The following CNTLN variants were observed in gnomAD, a reference collection of about 807,000 sequenced individuals.
The protein encoded by CNTLN is centlein, centrosomal protein.
A neutral mutation model predicts 180.0 loss-of-function variants in CNTLN; 212 were observed. That is an observed-to-expected ratio of 1.18 (90% CI 1.05 to 1.32). The LOEUF is 1.32. Among genes scored for constraint, CNTLN ranks in the 40% most tolerant of loss-of-function variants. CNTLN has a pLI of 0.00. For synonymous variants in CNTLN, 722 were observed against 563.1 expected (o/e 1.28, Z -3.99); for missense variants, 2,095 against 1,610.9 (o/e 1.30, Z -5.14).
intron 13 of CNTLN, among the ~76,000 whole-genome samples, chr9:17,372,171 A>C (rs912221909): frequency 2.6e-5 from 4 of 152,170 alleles, no homozygotes; most frequent in Non-Finnish European, 5.9e-5. Context: ...CATTAAAACA[A>C]AAAATTGGTT....
rs181765950 is a variant in CNTLN at position 17,172,549 on chromosome 9, C to G, written c.449+29173C>G. Among the ~76,000 whole-genome samples, 9 of 152,154 alleles carry G rather than the reference C, an allele frequency of 5.9e-5. No individual in the cohort carries two copies. In the East Asian group the frequency reaches 1.5e-3, roughly 26 times the overall value. On this transcript the variant is annotated intron_variant, in intron 2 of 25. Transcript: ENST00000380647. ...TCTAGTTATTTTTAGGGGAGGAAGA[C>G]GAAGGCTGGTATTTCTTACTCTGTC...
At chr9:17,514,180 C>A in the CNTLN span, among the ~76,000 whole-genome samples, 6 of 151,592 alleles carry the variant, frequency 4.0e-5, no homozygotes, top group African/African-American at 1.5e-4. Flanking sequence ...CGTAATGACA[C>A]ATGCCTGTAG....
In CNTLN at chr9:17,360,388, G is replaced by A. The variant is rs561137629; in HGVS notation, c.1887-6229G>A. Among the ~76,000 whole-genome samples, 9 of 152,212 alleles carry A rather than the reference G, an allele frequency of 5.9e-5. No individual in the cohort carries two copies. The East Asian group carries it at 1.7e-3, about 29-fold the overall frequency. On this transcript the variant is annotated intron_variant, in intron 12 of 25. Coordinates refer to ENST00000380647, the MANE Select transcript of CNTLN (RefSeq NM_017738.4). Reference sequence around the variant, plus strand: ...TAGCTAAGGTAGAGGTCAGTGGATTGGAAAATTAGTAAGAGGAAACATCAG... The same window carrying A: ...TAGCTAAGGTAGAGGTCAGTGGATTAGAAAATTAGTAAGAGGAAACATCAG...
intron 2 of CNTLN, among the ~76,000 whole-genome samples, chr9:17,216,003 G>C (rs113356723): frequency 0.026 from 3,950 of 152,130 alleles, 173 homozygotes; most frequent in African/African-American, 0.089. Context: ...CACTTCCCGG[G>C]TGAGGCAGTG....
intron 12 of CNTLN, among the ~76,000 whole-genome samples, chr9:17,352,161 C>A (rs918485793): frequency 6.6e-6 from 1 of 151,872 alleles, no homozygotes; most frequent in Non-Finnish European, 1.5e-5. Context: ...ATCTTTTGGT[C>A]ATTTTTCCTT....
chr9:17,224,471 ATTAC>A (rs1189114767), intron 2 of CNTLN, among the ~76,000 whole-genome samples: 1 of 151,922 alleles, frequency 6.6e-6, no homozygotes, highest in African/African-American at 2.4e-5. Context: ...CCCCATAGTT[ATTAC>A]TTCTGGAATG....
At position 17,233,225 on chromosome 9, in the gene CNTLN, A is replaced by G. The variant is rs894429817; in HGVS notation, c.535-2433A>G. The stretch of plus-strand genomic sequence containing the variant: ...CATTTTACTTCATGACCCATTATAC[A>G]CACATGAAGTAAGTTTCGTATAAGT... On this transcript the variant is annotated intron_variant, in intron 3 of 25. Coordinates refer to ENST00000380647, the MANE Select transcript of CNTLN (RefSeq NM_017738.4). 4.6e-5 allele frequency among the ~76,000 whole-genome samples: 7 copies of G among 152,116 alleles called. No homozygotes were observed. In the East Asian group the frequency reaches 1.3e-3, roughly 29 times the overall value.
intron 12 of CNTLN, among the ~76,000 whole-genome samples, chr9:17,347,111 T>G (rs1033123512): frequency 6.6e-6 from 1 of 152,198 alleles, no homozygotes. Context: ...TCTATTTAAT[T>G]TATTTTAAGA....
intron 19 of CNTLN, among the ~76,000 whole-genome samples, chr9:17,458,539 G>A (rs1348324228): frequency 6.6e-6 from 1 of 151,892 alleles, no homozygotes; most frequent in East Asian, 1.9e-4. Flanking sequence ...ATCCCTGTTA[G>A]GAGGGTATTG....
rs576944356 is a variant in CNTLN, at chr9:17,393,305, A to G, written c.2080-1229A>G. The stretch of plus-strand genomic sequence containing the variant: ...TATGAATTTTGTGAGGGACACAAGT[A>G]TTCAGACCATCGGAGTTGTCAGTAT... On this transcript the variant is annotated intron_variant, in intron 14 of 25. Coordinates refer to ENST00000380647, the MANE Select transcript of CNTLN (RefSeq NM_017738.4). Among the ~76,000 whole-genome samples the G allele has an allele frequency of 1.3e-4, 20 of 152,340 alleles. No homozygotes were observed. In the South Asian group the frequency reaches 3.5e-3, roughly 27 times the overall value.
intron 12 of CNTLN, among the ~76,000 whole-genome samples, chr9:17,360,086 C>A (rs1823242366): frequency 6.6e-6 from 1 of 152,004 alleles, no homozygotes; most frequent in African/African-American, 2.4e-5. Context: ...TATAGATATC[C>A]ATCTAAGGAT....
chr9:17,473,419 T>C (rs1359565868), intron 23 of CNTLN, among the ~76,000 whole-genome samples: 2 of 152,090 alleles, frequency 1.3e-5, no homozygotes, highest in South Asian at 2.1e-4. Context: ...TTCCCTCCTA[T>C]TGGGAATGAA....
intron 12 of CNTLN, among the ~76,000 whole-genome samples, chr9:17,354,639 G>T (rs1227228318): frequency 6.6e-6 from 1 of 152,022 alleles, no homozygotes; most frequent in Admixed American, 6.5e-5. Flanking sequence ...GAGAACCTTT[G>T]TATCTAGCTC....
At chr9:17,306,380 G>A (rs1223547904) in intron 7 of CNTLN, among the ~76,000 whole-genome samples, 1 of 152,024 alleles carries the variant, frequency 6.6e-6, no homozygotes, top group South Asian at 2.1e-4. Context: ...AACTCCCGTC[G>A]TCAGGTGATC....
At chr9:17,414,035 G>A (rs1828047029) in intron 16 of CNTLN, among the ~76,000 whole-genome samples, 1 of 152,154 alleles carries the variant, frequency 6.6e-6, no homozygotes, top group African/African-American at 2.4e-5. Flanking sequence ...GCAATAAAAA[G>A]GAGCTAACTA....
At chr9:17,390,760 G>A (rs1826050809) in intron 14 of CNTLN, among the ~76,000 whole-genome samples, 1 of 152,104 alleles carries the variant, frequency 6.6e-6, no homozygotes, top group Non-Finnish European at 1.5e-5. Context: ...TTTAATAAGT[G>A]CTATGGATTT....
chr9:17,162,265 C>T (rs1266942488), intron 2 of CNTLN, among the ~76,000 whole-genome samples: 2 of 152,150 alleles, frequency 1.3e-5, no homozygotes, highest in African/African-American at 4.8e-5. Flanking sequence ...CAGACACCCA[C>T]CACCGTGCCC....
At chr9:17,406,462 GTATT>G (rs1172985613) in intron 15 of CNTLN, among the ~76,000 whole-genome samples, 1 of 151,654 alleles carries the variant, frequency 6.6e-6, no homozygotes, top group Non-Finnish European at 1.5e-5. Context: ...TGCCTGGAAT[GTATT>G]TAGCCAGATA....
At chr9:17,332,446 T>C (rs1420093344) in intron 9 of CNTLN, among the ~76,000 whole-genome samples, 159 bp from the exon 10 acceptor site, 1 of 151,902 alleles carries the variant, frequency 6.6e-6, no homozygotes, top group Non-Finnish European at 1.5e-5. Flanking sequence ...GGTAGCACTG[T>C]GGTAATTCCG....
Sources: allele counts gnomAD v4.1 joint callset (sites outside exome capture counted in the v4.1 genomes callset), GRCh38; gene constraint gnomAD v4.1.1; transcripts MANE v1.5; gene names NCBI Gene and HGNC (gene_info 2026-07-23, HGNC 2026-07-21).